The following PYROXD1 variants were observed in gnomAD, a reference collection of about 807,000 sequenced individuals.
PYROXD1 encodes the protein pyridine nucleotide-disulphide oxidoreductase domain 1.
PYROXD1 carries 42 observed loss-of-function variants against 62.0 expected under a neutral mutation model. The observed-to-expected ratio is 0.68, with a 90% CI of 0.53 to 0.88. PYROXD1 has a LOEUF of 0.88. Ranked by LOEUF, PYROXD1 falls within the 40% of genes least tolerant of loss-of-function variation. The pLI is 0.00. For missense variants in PYROXD1, 493 were observed against 604.8 expected, an observed-to-expected ratio of 0.82 and a Z score of 1.94; for synonymous variants, 170 against 206.4, an observed-to-expected ratio of 0.82 and a Z score of 1.51.
At chr12:21,441,393 A>G (rs1320806304) in intron 2 of PYROXD1, 1 of 152,052 alleles carries the variant, frequency 6.6e-6, no homozygotes, top group East Asian at 2.0e-4. Context: ...TCCTTCTATA[A>G]CGCCTATAAT....
intron 7 of PYROXD1, chr12:21,456,981 G>A: frequency 7.4e-6 from 3 of 404,972 alleles, no homozygotes; most frequent in Non-Finnish European, 1.5e-5. Context: ...TTGCAGCAAT[G>A]TAGTCTCATC....
At chr12:21,448,329 TA>T (rs1205079188) in intron 3 of PYROXD1, 2 of 300,844 alleles carry the variant, frequency 6.6e-6, no homozygotes, top group African/African-American at 4.3e-5. Flanking sequence ...AAGTGTCCTT[TA>T]CATTTTTTAG....
At position 21,462,198 on chromosome 12, in the gene PYROXD1, T is replaced by C. The variant is rs1381614190; in HGVS notation, c.993+78T>C. ...AAGATCTCTAATTCTCAAACATGAA[T>C]AATTATTATTTTAGTGTACAACTGT... On this transcript the variant is annotated intron_variant, in intron 9 of 11. Transcript: ENST00000240651. 5 of 787,976 alleles carry C rather than the reference T, an allele frequency of 6.3e-6. No individual in the cohort carries two copies. In the Admixed American group the frequency reaches 6.6e-5, roughly 10 times the overall value. 48.8% of individuals were successfully genotyped at this position (787,976 alleles called of 1,614,324 possible). A position where few individuals can be genotyped will look rare whatever the true frequency, so the allele number is the denominator to read the frequency against.
chr12:21,467,670 A>G (rs776812610), intron 11 of PYROXD1, 52 bp downstream of exon 11: 12 of 1,283,500 alleles, frequency 9.3e-6, no homozygotes, highest in Non-Finnish European at 1.1e-5. Context: ...TCTTATGACT[A>G]TGATAAATCA....
chr12:21,446,401 G>C (rs1942389290), intron 3 of PYROXD1, among the ~76,000 whole-genome samples: 4 of 152,114 alleles, frequency 2.6e-5, no homozygotes, highest in Non-Finnish European at 5.9e-5. Flanking sequence ...CTCCAGCCTG[G>C]GCGACAGAGC....
intron 10 of PYROXD1, among the ~76,000 whole-genome samples, chr12:21,463,541 A>G (rs1208417937): frequency 6.6e-6 from 1 of 152,002 alleles, no homozygotes; most frequent in African/African-American, 2.4e-5. Context: ...AAATACAAAA[A>G]ATTAGCTGAG....
intron 1 of PYROXD1, 113 bp from the exon 2 acceptor site, chr12:21,440,255 A>T: frequency 1.6e-6 from 1 of 607,836 alleles, no homozygotes; most frequent in Non-Finnish European, 2.9e-6. Flanking sequence ...GTGGGTTTTT[A>T]ATTTTCTAGA....
chr12:21,441,894 A>G (rs549954043), intron 2 of PYROXD1, among the ~76,000 whole-genome samples: 12 of 152,302 alleles, frequency 7.9e-5, no homozygotes, highest in African/African-American at 2.6e-4. Flanking sequence ...ACCTTCCCCT[A>G]TGGGGAGGGC....
At chr12:21,453,439 A>G (rs1266478213) in intron 5 of PYROXD1, among the ~76,000 whole-genome samples, 1 of 152,026 alleles carries the variant, frequency 6.6e-6, no homozygotes, top group Admixed American at 6.6e-5. Context: ...CCCTTTCTAC[A>G]CTGTGTTTCA....
rs773386033 is a variant in PYROXD1 at position 21,449,626 on chromosome 12, A to G, written c.349A>G (p.Lys117Glu). Residue 117 changes from lysine to glutamate, a missense_variant, in exon 4 of 12, where the codon AAA becomes GAA. This residue lies in a region of PYROXD1 where 164 missense variants were observed against 158.2 expected (regional missense o/e 1.04). Transcript: ENST00000240651. ...YKKLCLCAGA[K>E]PKLICEGNPY... ...GAAACTCTGTCTGTGTGCTGGAGCT[A>G]AACCAAAGTTGATATGTGAAGGAAA... is the stretch of plus-strand genomic sequence containing the variant. 6.8e-6 allele frequency: 11 copies of G among 1,613,084 alleles called. No individual in the cohort carries two copies. The highest frequency in any genetic ancestry group is 1.7e-5 in the Admixed American group (1 of 59,966).
At chr12:21,465,040 G>T (rs1194773780) in intron 10 of PYROXD1, among the ~76,000 whole-genome samples, 3 of 152,140 alleles carry the variant, frequency 2.0e-5, no homozygotes, top group Non-Finnish European at 2.9e-5. Flanking sequence ...TGGTGTATAT[G>T]TGCCACATTT....
At chr12:21,460,994 A>G (rs559819561) in intron 7 of PYROXD1, 31 bp from the exon 8 acceptor site, 17 of 1,383,430 alleles carry the variant, frequency 1.2e-5, no homozygotes, top group Non-Finnish European at 1.7e-5. Context: ...TTCTGTAAGT[A>G]TTATGCTAAC....
At chr12:21,451,111 T>C (rs1301622116) in intron 4 of PYROXD1, among the ~76,000 whole-genome samples, 1 of 152,158 alleles carries the variant, frequency 6.6e-6, no homozygotes, top group Non-Finnish European at 1.5e-5. Context: ...GTGAATATTA[T>C]AAGTTTGGAG....
chr12:21,454,547 A>G (rs1942559849), intron 5 of PYROXD1, among the ~76,000 whole-genome samples: 1 of 152,054 alleles, frequency 6.6e-6, no homozygotes, highest in African/African-American at 2.4e-5. Flanking sequence ...TTAGTGGTAA[A>G]TAGTAATAGA....
chr12:21,466,646 C>T (rs531121129), intron 10 of PYROXD1, among the ~76,000 whole-genome samples: 190 of 152,228 alleles, frequency 1.2e-3, no homozygotes, highest in African/African-American at 4.4e-3. Context: ...TAATTGAATG[C>T]CCTTTATTCC....
At chr12:21,437,836 TC>T in intron 1 of PYROXD1, 22 bp downstream of exon 1, 1 of 1,602,960 alleles carries the variant, frequency 6.2e-7, no homozygotes, top group Non-Finnish European at 8.5e-7. Flanking sequence ...CTCAGGCGGT[TC>T]CGCCTCTTTC....
chr12:21,467,660 T>C lies in PYROXD1; in HGVS notation c.1254+42T>C, dbSNP rs773868224. The C allele has an allele frequency of 9.9e-6, 14 of 1,418,390 alleles. No homozygotes were observed. The Admixed American group carries it at 1.9e-4, about 20-fold the overall frequency. 87.9% of individuals were successfully genotyped at this position (1,418,390 alleles called of 1,614,324 possible). A position where few individuals can be genotyped will look rare whatever the true frequency, so the allele number is the denominator to read the frequency against. On this transcript the variant is annotated intron_variant, in intron 11 of 11. Transcript: ENST00000240651. Reference sequence around the variant, plus strand: ...TATTAATGCCTTCTCTGCTTGTTAGTCTTATGACTATGATAAATCATGTGA... The same window carrying C: ...TATTAATGCCTTCTCTGCTTGTTAGCCTTATGACTATGATAAATCATGTGA...
At position 21,452,829 on chromosome 12, in the gene PYROXD1, C is replaced by A. The variant is rs190739719; in HGVS notation, c.488+675C>A. On this transcript the variant is annotated intron_variant, in intron 5 of 11. Transcript: ENST00000240651. ...TTCAGGCCATAAAGTTGAGTCAAAC[C>A]ACAAAGAGGACAAATTTGAATCAAA... Among the ~76,000 whole-genome samples the A allele has an allele frequency of 2.0e-5, 3 of 152,070 alleles. No individual in the cohort carries two copies. The East Asian group carries it at 5.8e-4, about 29-fold the overall frequency.
intron 5 of PYROXD1, among the ~76,000 whole-genome samples, chr12:21,452,631 G>C (rs914384621): frequency 6.6e-6 from 1 of 151,998 alleles, no homozygotes; most frequent in African/African-American, 2.4e-5. Flanking sequence ...GGTTCTTGCA[G>C]CTCTTTTTTT....
Sources: allele counts gnomAD v4.1 joint callset (sites outside exome capture counted in the v4.1 genomes callset), GRCh38; gene constraint gnomAD v4.1.1; regional missense constraint gnomAD v4.1.1; transcripts MANE v1.5; gene names NCBI Gene and HGNC (gene_info 2026-07-23, HGNC 2026-07-21).